Variants in SMG1 observed in about 807,000 individuals in gnomAD.
SMG1 encodes serine/threonine-protein kinase SMG1.
Under a neutral mutation model 419.9 loss-of-function variants are expected in SMG1, and 22 were observed. The observed-to-expected ratio is 0.05, with a 90% confidence interval of 0.04 to 0.07. The LOEUF (loss-of-function observed/expected upper bound fraction) is 0.07. SMG1 is among the 10% of genes least tolerant of loss of function. The probability of loss-of-function intolerance (pLI) is 1.00; values close to 1 mark genes in which losing one functional copy is unlikely to be tolerated. For missense variants in SMG1, 3,185 were observed against 4,342.0 expected (o/e 0.73, Z 7.49); for synonymous variants, 1,538 against 1,553.5 (o/e 0.99, Z 0.23).
In SMG1 at chr16:18,847,439, G is replaced by C. The variant is rs1475537668; in HGVS notation, c.5996+14C>G. The C allele has an allele frequency of 2.9e-5, 47 of 1,613,432 alleles. No homozygotes were observed. Among genetic ancestry groups the C allele is most frequent in the Non-Finnish European group, 3.8e-5 (45 of 1,179,488 alleles). ...GCAGCTTCACTGTCTCAGGACAAGT[G>C]TATGGAAACATACTTGCGTAAGGTG... On this transcript the variant is annotated intron_variant, in intron 38 of 62. Transcript: ENST00000446231.
chr16:18,918,398 A>C (rs994433416), intron 1 of SMG1, among the ~76,000 whole-genome samples: 23 of 152,212 alleles, frequency 1.5e-4, no homozygotes, highest in African/African-American at 4.8e-4. Context: ...CAATTTCTCT[A>C]CACACTGACA....
Position 18,864,054 on chromosome 16 carries a change from G to T in SMG1, c.3441C>A (p.Leu1147=). The change falls in exon 24 of 63, where the codon CTC becomes CTA. Residue 1147 remains leucine, a synonymous_variant. Transcript: ENST00000446231. ...TGTTACGCCCAGCATTGGCTAAGGT[G>T]AGCACCGATTTGTCAAAGCTGGAGA... ...CCISSFDKSV[L]TLANAGRNSA... is the part of the protein sequence containing the mutation. 6.5e-7 allele frequency: 1 copy of T among 1,549,968 alleles called. No homozygotes were observed. Among genetic ancestry groups the T allele is most frequent in the Non-Finnish European group, 8.7e-7 (1 of 1,146,942 alleles).
intron 1 of SMG1, among the ~76,000 whole-genome samples, chr16:18,897,474 A>T (rs561579338): frequency 1.3e-5 from 2 of 152,342 alleles, no homozygotes; most frequent in African/African-American, 4.8e-5. Context: ...GTACTGTAGT[A>T]TTGAAGACCC....
chr16:18,892,564 C>G (rs1279149116), intron 3 of SMG1, among the ~76,000 whole-genome samples: 3 of 151,982 alleles, frequency 2.0e-5, no homozygotes, highest in Non-Finnish European at 4.4e-5. Flanking sequence ...TCTCCACAGA[C>G]ATACAAAAAA....
chr16:18,869,564 C>T (rs1229938949), intron 19 of SMG1, among the ~76,000 whole-genome samples: 1 of 151,888 alleles, frequency 6.6e-6, no homozygotes, highest in Non-Finnish European at 1.5e-5. Context: ...TTCAACTAAG[C>T]ATGTCTAGAA....
In SMG1 at chr16:18,864,128, C is replaced by T. The variant is rs1308352432; in HGVS notation, c.3367G>A (p.Val1123Met). 2.2e-5 allele frequency: 34 copies of T among 1,535,024 alleles called. No individual in the cohort carries two copies. Among genetic ancestry groups the T allele is most frequent in the Non-Finnish European group, 2.8e-5 (32 of 1,142,228 alleles). ...GCACACAGGTGTTCCTGGTACTCCA[C>T]AGAGGCCTTTTCAAACCTGAAAAGC... ...QAEGRFEKAS[V>M]EYQEHLCAMT... Residue 1123 changes from valine (V) to methionine (M), a missense_variant, in exon 24 of 63, where the codon GTG becomes ATG. Val to Met is a conservative substitution (Grantham distance 21). Coordinates refer to ENST00000446231, the MANE Select transcript of SMG1 (RefSeq NM_015092.5).
chr16:18,829,975 A>G lies in SMG1; in HGVS notation c.9084T>C (p.Thr3028=). Residue 3028 remains threonine, a synonymous_variant, in exon 53 of 63, where the codon ACT becomes ACC. Coordinates refer to ENST00000446231, the MANE Select transcript of SMG1 (RefSeq NM_015092.5). ...EEIFFLKRLQ[T]IKEFFRLCGT... ...CACAGAGCCTGAAGAACTCCTTAAT[A>G]GTCTGTAGTCTTTTTAGAAAGAAAA... 2 of 1,585,692 alleles carry G rather than the reference A, an allele frequency of 1.3e-6. No homozygotes were observed. Among genetic ancestry groups the G allele is most frequent in the African/African-American group, 1.4e-5 (1 of 74,070 alleles).
chr16:18,835,644 G>A (rs777790240), intron 48 of SMG1, among the ~76,000 whole-genome samples: 1 of 152,034 alleles, frequency 6.6e-6, no homozygotes, highest in Non-Finnish European at 1.5e-5. Context: ...AGTGGCTCAC[G>A]CCTGTAATCC....
intron 60 of SMG1, among the ~76,000 whole-genome samples, chr16:18,814,575 G>A (rs184877728): frequency 1.1e-4 from 16 of 151,886 alleles, no homozygotes; most frequent in African/African-American, 3.1e-4. Context: ...ACTCTCTCAC[G>A]AGTTGTTTCA....
Position 18,817,480 on chromosome 16 carries a change from CAG to C in SMG1, c.9895-12_9895-11del, listed in dbSNP as rs2032118742. ...TGCAGAGAAATGTGACCTGTAAAGA[CAG>C]AAATGGAACCACAAGAGGAGATGGG... is the stretch of plus-strand genomic sequence containing the variant. On this transcript the variant is annotated splice_polypyrimidine_tract_variant and intron_variant, in intron 56 of 62. Coordinates refer to ENST00000446231, the MANE Select transcript of SMG1 (RefSeq NM_015092.5). 1 of 1,555,744 alleles carries C rather than the reference CAG, an allele frequency of 6.4e-7. No individual in the cohort carries two copies. The highest frequency in any genetic ancestry group is 1.4e-5 in the African/African-American group (1 of 73,394).
intron 55 of SMG1, among the ~76,000 whole-genome samples, chr16:18,826,769 A>T (rs2032708729): frequency 4.2e-5 from 1 of 23,890 alleles, no homozygotes; most frequent in African/African-American, 1.4e-4. Flanking sequence ...GGCCTCCTTG[A>T]GCTGTGGTGG....
At chr16:18,874,495 G>A (rs1285579976) in intron 13 of SMG1, among the ~76,000 whole-genome samples, 1 of 148,974 alleles carries the variant, frequency 6.7e-6, no homozygotes, top group Non-Finnish European at 1.5e-5. Context: ...GGTCCAATAG[G>A]AAGAAGAAAT....
Position 18,866,673 on chromosome 16 carries a change from C to T in SMG1, c.3298G>A (p.Val1100Ile), listed in dbSNP as rs1266569946. The T allele has an allele frequency of 6.3e-7, 1 of 1,595,426 alleles. No individual in the cohort carries two copies. The highest frequency in any genetic ancestry group is 1.3e-5 in the African/African-American group (1 of 74,926). Residue 1100 changes from valine to isoleucine, a missense_variant, in exon 23 of 63, where the codon GTT (valine) becomes ATT (isoleucine). Physicochemically the swap from Val to Ile is conservative, Grantham distance 29. Coordinates refer to ENST00000446231, the MANE Select transcript of SMG1 (RefSeq NM_015092.5). ...TTAATCCACAGAAGATTTTTTCCAACAATAGATGATGACCAGACAGCAATT... is the reference window on the plus strand; with the variant it reads ...TTAATCCACAGAAGATTTTTTCCAATAATAGATGATGACCAGACAGCAATT... ...QGIAVWSSSI[V>I]GKNLLWINSV...
Position 18,868,997 on chromosome 16 carries a change from T to C in SMG1, c.2833+107A>G, listed in dbSNP as rs539521958. On this transcript the variant is annotated intron_variant, in intron 20 of 62. Coordinates refer to ENST00000446231, the MANE Select transcript of SMG1 (RefSeq NM_015092.5). Reference sequence around the variant, plus strand: ...AAACATACCTGAAAATTATTGACTTTTTTCAAAAAAATCATATACTCTCAA... The same window carrying C: ...AAACATACCTGAAAATTATTGACTTCTTTCAAAAAAATCATATACTCTCAA... 1.4e-5 allele frequency: 14 copies of C among 1,029,716 alleles called. No individual in the cohort carries two copies. The East Asian group carries it at 2.0e-4, about 15-fold the overall frequency. 63.8% of individuals were successfully genotyped at this position (1,029,716 alleles called of 1,614,324 possible).
intron 42 of SMG1, 145 bp downstream of exon 42, chr16:18,839,551 CTG>C: frequency 3.0e-6 from 3 of 1,008,144 alleles, no homozygotes; most frequent in Admixed American, 2.3e-5. Flanking sequence ...GCCTTTATAA[CTG>C]TAATATTAAA....
Position 18,807,624 on chromosome 16 carries a change from C to T in SMG1, c.*1945G>A, listed in dbSNP as rs2030959005. 1 of 152,072 alleles carries T rather than the reference C, an allele frequency of 6.6e-6. No individual in the cohort carries two copies. The highest frequency in any genetic ancestry group is 1.5e-5 in the Non-Finnish European group (1 of 67,992). 9.4% of individuals were successfully genotyped at this position (152,072 alleles called of 1,614,324 possible). A position where few individuals can be genotyped will look rare whatever the true frequency, so the allele number is the denominator to read the frequency against. ...ACAGATTAACGTGGCAATCAGAATA[C>T]AAAAAAGGCCCAGAGCTATGTGGAA... On this transcript the variant is annotated 3_prime_UTR_variant, in exon 63 of 63. Coordinates refer to ENST00000446231, the MANE Select transcript of SMG1 (RefSeq NM_015092.5).
chr16:18,902,926 C>T (rs187882585), intron 1 of SMG1, among the ~76,000 whole-genome samples: 1,951 of 152,216 alleles, frequency 0.013, 53 homozygotes, highest in African/African-American at 0.045. Flanking sequence ...AAGCAAACCT[C>T]CCACATCAGC....
Position 18,834,816 on chromosome 16 carries a change from A to T in SMG1, c.8330+76T>A. 1.0e-5 allele frequency: 15 copies of T among 1,475,350 alleles called. No homozygotes were observed. The South Asian group carries it at 1.8e-4, about 18-fold the overall frequency. 91.4% of individuals were successfully genotyped at this position (1,475,350 alleles called of 1,614,324 possible). On this transcript the variant is annotated intron_variant, in intron 49 of 62. Coordinates refer to ENST00000446231, the MANE Select transcript of SMG1 (RefSeq NM_015092.5). ...CTGTAACACTTGGCAAGACTAAGGA[A>T]AGTAAAAGAACATTTTAGGTTTGGG...
intron 35 of SMG1, among the ~76,000 whole-genome samples, chr16:18,849,585 C>CTG (rs2034477673): frequency 6.6e-6 from 1 of 152,128 alleles, no homozygotes; most frequent in African/African-American, 2.4e-5. Context: ...AGATACAGAG[C>CTG]TGTAATCAAA....
Sources: allele counts gnomAD v4.1 joint callset (sites outside exome capture counted in the v4.1 genomes callset), GRCh38; gene constraint gnomAD v4.1.1; transcripts MANE v1.5; gene names NCBI Gene and HGNC (gene_info 2026-07-23, HGNC 2026-07-21).